ZNF490: variants seen among roughly 807,000 people sequenced by gnomAD.
ZNF490 encodes the protein zinc finger protein 490.
ZNF490 carries 11 observed loss-of-function variants against 17.7 expected under a neutral mutation model. The observed-to-expected ratio is 0.62, with a 90% CI of 0.39 to 1.03. The LOEUF (loss-of-function observed/expected upper bound fraction) is 1.03, where lower values mean the gene tolerates loss of function less well. ZNF490 is among the 50% of genes least tolerant of loss of function. ZNF490 has a pLI of 0.00. For synonymous variants in ZNF490, 222 were observed against 216.1 expected (o/e 1.03, Z -0.24); for missense variants, 542 against 643.4 (o/e 0.84, Z 1.71).
At position 12,582,840 on chromosome 19, in the gene ZNF490, T is replaced by C. The variant is rs950375093; in HGVS notation, c.350+10A>G. ...CAGGGGCTATATAATTATTTGTGAA[T>C]GCAACTCACCTTAGATTTCTTCCCT... On this transcript the variant is annotated intron_variant, in intron 4 of 4. Coordinates refer to ENST00000311437, the MANE Select transcript of ZNF490 (RefSeq NM_020714.3). The C allele has an allele frequency of 5.0e-6, 8 of 1,600,832 alleles. No individual in the cohort carries two copies. The highest frequency in any genetic ancestry group is 1.1e-5 in the South Asian group (1 of 90,368).
In ZNF490 at chr19:12,581,374, A is replaced by G. The variant is rs373793952; in HGVS notation, c.701T>C (p.Leu234Pro). 4.3e-6 allele frequency: 7 copies of G among 1,613,540 alleles called. No homozygotes were observed. In the African/African-American group the frequency reaches 8.0e-5, roughly 19 times the overall value. Residue 234 changes from leucine to proline, a missense_variant, in exon 5 of 5, where the codon CTC (leucine) becomes CCC (proline). Transcript: ENST00000311437. ...TCTTATATGGTTTCGAAAGGAAAAG[A>G]GAAATGCGAAGGCTTTGCCACATTC... The part of the protein sequence containing the change: ...CKECGKAFAF[L>P]FSFRNHIRIH...
At chr19:12,591,377 C>T (rs2022869144) in intron 2 of ZNF490, among the ~76,000 whole-genome samples, 1 of 150,506 alleles carries the variant, frequency 6.6e-6, no homozygotes, top group African/African-American at 2.4e-5. Context: ...CTGACAGAGA[C>T]TCCATCCCCG....
In ZNF490 at chr19:12,580,978, T is replaced by C; in HGVS notation, c.1097A>G (p.Lys366Arg). 6.2e-7 allele frequency: 1 copy of C among 1,614,184 alleles called. No individual in the cohort carries two copies. Among genetic ancestry groups the C allele is most frequent in the Non-Finnish European group, 8.5e-7 (1 of 1,180,026 alleles). Residue 366 changes from lysine (K) to arginine (R), a missense_variant, in exon 5 of 5, where the codon AAA (lysine) becomes AGA (arginine). Transcript: ENST00000311437. ...AGATGACTTGAAGGCTTCCCCACAT[T>C]TCTTACATGTATAAGGTTGAACTCC... ...HTGVQPYTCK[K>R]CGEAFKSSSS...
In ZNF490 at chr19:12,605,706, C is replaced by T. The variant is rs968144392; in HGVS notation, c.162+3452G>A. On this transcript the variant is annotated intron_variant, in intron 2 of 4. Transcript: ENST00000311437. ...GCCGTTAGCTTTTGGTATTGGACTC[C>T]GTCTCCAGGTAGATACTGTCACAAT... Among the ~76,000 whole-genome samples the T allele has an allele frequency of 4.6e-5, 7 of 152,056 alleles. No individual in the cohort carries two copies. In the South Asian group the frequency reaches 8.3e-4, roughly 18 times the overall value.
In ZNF490 at chr19:12,601,564, T is replaced by A. The variant is rs966258736; in HGVS notation, c.162+7594A>T. 1.4e-4 allele frequency among the ~76,000 whole-genome samples: 21 copies of A among 152,182 alleles called. 1 individual carries two copies. In the South Asian group the frequency reaches 2.7e-3, roughly 20 times the overall value. On this transcript the variant is annotated intron_variant, in intron 2 of 4. Transcript: ENST00000311437. The stretch of plus-strand genomic sequence containing the variant: ...GCCACAAACCTGGCTAATTTTTTTT[T>A]ATAAGATATGAGGTTGCACTATATT...
At chr19:12,596,413 G>A (rs2022934662) in intron 2 of ZNF490, among the ~76,000 whole-genome samples, 1 of 152,120 alleles carries the variant, frequency 6.6e-6, no homozygotes, top group Admixed American at 6.6e-5. Context: ...GCCAGGCATG[G>A]TCACGCCTAT....
intron 2 of ZNF490, among the ~76,000 whole-genome samples, chr19:12,596,757 C>G (rs926634855): frequency 6.6e-6 from 1 of 152,124 alleles, no homozygotes; most frequent in Non-Finnish European, 1.5e-5. Flanking sequence ...GCCACAGGAA[C>G]GAACTCTGGG....
At chr19:12,609,925 G>A (rs74789101) in intron 1 of ZNF490, 22,261 of 454,790 alleles carry the variant, frequency 0.049, 878 homozygotes, top group East Asian at 0.14. Context: ...GCCAGACTTC[G>A]CCACTATGAA....
intron 2 of ZNF490, among the ~76,000 whole-genome samples, chr19:12,600,129 G>A (rs982783896): frequency 3.9e-5 from 6 of 152,148 alleles, no homozygotes; most frequent in South Asian, 2.1e-4. Context: ...TTGGGAGGCC[G>A]AGGCGGGCAG....
intron 2 of ZNF490, among the ~76,000 whole-genome samples, chr19:12,601,281 G>A (rs1014742155): frequency 3.3e-5 from 5 of 151,650 alleles, no homozygotes; most frequent in African/African-American, 1.2e-4. Flanking sequence ...CCAGCTACTC[G>A]GGAGGCTGAG....
At position 12,576,287 on chromosome 19, in the gene ZNF490, C is replaced by A. The variant is rs576843972; in HGVS notation, c.*4198G>T. Among the ~76,000 whole-genome samples, 100 of 152,190 alleles carry A rather than the reference C, an allele frequency of 6.6e-4. 3 individuals are homozygous for A. In the Middle Eastern group the frequency reaches 0.014, roughly 21 times the overall value. On this transcript the variant is annotated 3_prime_UTR_variant, in exon 5 of 5. Transcript: ENST00000311437. ...CTTTGAGAGGCCGAGGCAGGCAGAT[C>A]ACAAGGTCAGGAGGGCGAGACCATC...
At chr19:12,595,068 T>A (rs1040411248) in intron 2 of ZNF490, among the ~76,000 whole-genome samples, 1 of 151,992 alleles carries the variant, frequency 6.6e-6, no homozygotes, top group Non-Finnish European at 1.5e-5. Flanking sequence ...TATATATATA[T>A]GATTTAAAAA....
Position 12,582,832 on chromosome 19 carries a change from T to C in ZNF490, c.350+18A>G. On this transcript the variant is annotated intron_variant, in intron 4 of 4. Transcript: ENST00000311437. Reference sequence around the variant, plus strand: ...GATTCTCTCAGGGGCTATATAATTATTTGTGAATGCAACTCACCTTAGATT... The same window carrying C: ...GATTCTCTCAGGGGCTATATAATTACTTGTGAATGCAACTCACCTTAGATT... 6.3e-7 allele frequency: 1 copy of C among 1,583,642 alleles called. No homozygotes were observed. The highest frequency in any genetic ancestry group is 1.1e-5 in the South Asian group (1 of 89,974).
intron 2 of ZNF490, among the ~76,000 whole-genome samples, chr19:12,592,679 T>C (rs892028929): frequency 6.6e-6 from 1 of 152,132 alleles, no homozygotes; most frequent in Non-Finnish European, 1.5e-5. Context: ...ACCCACAGAT[T>C]GTATAACAGA....
At chr19:12,610,397 A>T (rs756315027) in intron 1 of ZNF490, among the ~76,000 whole-genome samples, 167 bp downstream of exon 1, 5 of 151,362 alleles carry the variant, frequency 3.3e-5, no homozygotes, top group Non-Finnish European at 7.4e-5. Flanking sequence ...TAAAGTGCCA[A>T]ATGTGTGGAG....
chr19:12,599,369 A>C (rs1446523316), intron 2 of ZNF490, among the ~76,000 whole-genome samples: 1 of 152,160 alleles, frequency 6.6e-6, no homozygotes, highest in African/African-American at 2.4e-5. Context: ...ATAGAGTGTA[A>C]GTCATGAAAG....
Position 12,577,744 on chromosome 19 carries a change from T to G in ZNF490, c.*2741A>C. On this transcript the variant is annotated 3_prime_UTR_variant, in exon 5 of 5. Coordinates refer to ENST00000311437, the MANE Select transcript of ZNF490 (RefSeq NM_020714.3). ...TGGGGGAGGGTGGAGGCCAGAGGCCTAAAGAGTTCCGACCCGAGCGACACA... is the reference window on the plus strand; with the variant it reads ...TGGGGGAGGGTGGAGGCCAGAGGCCGAAAGAGTTCCGACCCGAGCGACACA... 1 of 985,528 alleles carries G rather than the reference T, an allele frequency of 1.0e-6. No individual in the cohort carries two copies. The highest frequency in any genetic ancestry group is 1.2e-6 in the Non-Finnish European group (1 of 830,040). 61.0% of individuals were successfully genotyped at this position (985,528 alleles called of 1,614,324 possible).
At chr19:12,590,309 C>T (rs1042682664) in intron 2 of ZNF490, among the ~76,000 whole-genome samples, 3 of 150,184 alleles carry the variant, frequency 2.0e-5, no homozygotes, top group Admixed American at 6.7e-5. Flanking sequence ...CTCCACCTCC[C>T]GGGTTCAAGA....
At position 12,581,239 on chromosome 19, in the gene ZNF490, T is replaced by A. The variant is rs1365583148; in HGVS notation, c.836A>T (p.Lys279Ile). 6.2e-7 allele frequency: 1 copy of A among 1,614,018 alleles called. No homozygotes were observed. The highest frequency in any genetic ancestry group is 1.3e-5 in the African/African-American group (1 of 74,920). The change falls in exon 5 of 5, where the codon AAA becomes ATA. Residue 279 changes from lysine (K) to isoleucine (I), a missense_variant. Transcript: ENST00000311437. ...EKNHTGEKPY[K>I]CKQCGKAFIY... ...AAAGGCTTTTCCACACTGTTTACAT[T>A]TGTAGGGTTTCTCTCCAGTGTGATT...
Sources: gnomAD v4.1 joint callset for allele counts (sites outside exome capture counted in the v4.1 genomes callset) on GRCh38, gnomAD v4.1.1 for gene constraint, MANE v1.5 for transcripts, NCBI Gene and HGNC (gene_info 2026-07-23, HGNC 2026-07-21) for gene names.